SUGP2: variants seen among roughly 807,000 people sequenced by gnomAD.
The protein encoded by SUGP2 is SURP and G-patch domain-containing protein 2.
Under a neutral mutation model 90.5 loss-of-function variants are expected in SUGP2, and 24 were observed. The ratio of observed to expected loss-of-function variants is 0.27; its 90% CI spans 0.19 to 0.37. The LOEUF is 0.37. Ranked by LOEUF, SUGP2 falls within the 10% of genes least tolerant of loss-of-function variation. The probability of loss-of-function intolerance (pLI) is 1.00; values close to 1 mark genes in which losing one functional copy is unlikely to be tolerated. For synonymous variants in SUGP2, 473 were observed against 513.4 expected, an observed-to-expected ratio of 0.92 and a Z score of 1.06; for missense variants, 1,233 against 1,363.3, an observed-to-expected ratio of 0.90 and a Z score of 1.51.
At chr19:19,033,289 G>C (rs1173143319) in intron 1 of SUGP2, 148 bp downstream of exon 1, 6 of 952,606 alleles carry the variant, frequency 6.3e-6, no homozygotes, top group Non-Finnish European at 7.7e-6. Context: ...CGGCCACCCA[G>C]GCCAACCCGG....
At chr19:19,018,166 C>T (rs1285498012) in intron 4 of SUGP2, among the ~76,000 whole-genome samples, 4 of 151,936 alleles carry the variant, frequency 2.6e-5, no homozygotes, top group Non-Finnish European at 5.9e-5. Context: ...CAGAACTGGC[C>T]ATTGCCTCTT....
chr19:19,031,174 G>A (rs373779762), intron 1 of SUGP2, 92 bp from the exon 2 acceptor site: 8 of 1,349,914 alleles, frequency 5.9e-6, no homozygotes, highest in East Asian at 4.6e-5. Flanking sequence ...TTGGGAGGTC[G>A]AGGTGGGCGG....
chr19:19,012,125 T>C (rs1599483219), intron 4 of SUGP2, among the ~76,000 whole-genome samples: 1 of 152,334 alleles, frequency 6.6e-6, no homozygotes, highest in East Asian at 1.9e-4. Flanking sequence ...CTGCTGACAC[T>C]GTTAGCCAGT....
In SUGP2 at chr19:19,008,419, T is replaced by C. The variant is rs1224234339; in HGVS notation, c.2348A>G (p.Lys783Arg). The change falls in exon 6 of 11, where the codon AAG becomes AGG. Residue 783 changes from lysine to arginine, a missense_variant. This residue lies in a region of SUGP2 where 540 missense variants were observed against 542.6 expected (regional missense o/e 1.00). Coordinates refer to ENST00000452918, the MANE Select transcript of SUGP2 (RefSeq NM_001017392.5). Reference protein sequence around the residue: ...SPCPSADIDMKTMETAEKLAR... With the variant: ...SPCPSADIDMRTMETAEKLAR... ...CAGTTTCTCTGCAGTCTCCATTGTC[T>C]TCATGTCAACTACAAAACATAAAGC... 1 of 1,613,910 alleles carries C rather than the reference T, an allele frequency of 6.2e-7. No homozygotes were observed. The highest frequency in any genetic ancestry group is 1.7e-5 in the Admixed American group (1 of 60,018).
chr19:19,027,794 T>C (rs533430302), intron 2 of SUGP2, among the ~76,000 whole-genome samples: 1 of 152,282 alleles, frequency 6.6e-6, no homozygotes, highest in South Asian at 2.1e-4. Context: ...CCCGCCACCA[T>C]GCCCGGCTAA....
intron 4 of SUGP2, 48 bp downstream of exon 4, chr19:19,019,061 C>T: frequency 1.3e-6 from 2 of 1,586,514 alleles, no homozygotes; most frequent in Non-Finnish European, 1.7e-6. Context: ...CAAATTTTGC[C>T]ATATACTCCA....
chr19:19,004,132 T>C, intron 7 of SUGP2, 36 bp downstream of exon 7: 1 of 1,482,684 alleles, frequency 6.7e-7, no homozygotes, highest in Middle Eastern at 2.4e-4. Context: ...CCAAGAACTG[T>C]GCTAGAGGCA....
rs747894714 is a variant in SUGP2, at chr19:19,025,504, G to C, written c.844C>G (p.Leu282Val). 2 of 1,614,120 alleles carry C rather than the reference G, an allele frequency of 1.2e-6. No homozygotes were observed. The change falls in exon 3 of 11, where the codon CTG (leucine) becomes GTG (valine). Residue 282 changes from leucine to valine, a missense_variant. Around this residue, in one of 8 missense-constraint regions of SUGP2, gnomAD observed 418 missense variants for 399.9 expected, o/e 1.05. Coordinates refer to ENST00000452918, the MANE Select transcript of SUGP2 (RefSeq NM_001017392.5). ...TCTTCTGTCCCTGGGTTTGTCCCCA[G>C]GGTCACATCAGGACTTGGAGTGTTT... is the stretch of plus-strand genomic sequence containing the variant. The part of the protein sequence containing the change: ...QKNTPSPDVT[L>V]GTNPGTEDIQ...
chr19:19,032,385 C>T (rs1169857719), intron 1 of SUGP2, among the ~76,000 whole-genome samples: 1 of 152,110 alleles, frequency 6.6e-6, no homozygotes, highest in Non-Finnish European at 1.5e-5. Context: ...TCTTGAATTC[C>T]TGACCTCAAG....
At chr19:19,019,039 A>G in intron 4 of SUGP2, 70 bp downstream of exon 4, 2 of 1,552,960 alleles carry the variant, frequency 1.3e-6, no homozygotes, top group South Asian at 2.4e-5. Flanking sequence ...TCTCAATACC[A>G]TCAGAGTGAC....
At position 19,025,260 on chromosome 19, in the gene SUGP2, G is replaced by C. The variant is rs1437447006; in HGVS notation, c.1088C>G (p.Ala363Gly). The C allele has an allele frequency of 6.2e-7, 1 of 1,613,272 alleles. No homozygotes were observed. Among genetic ancestry groups the C allele is most frequent in the Non-Finnish European group, 8.5e-7 (1 of 1,180,004 alleles). ...TLFELETETC[A>G]KMLASFKCSL... Reference sequence around the variant, plus strand: ...ACATTTGAATGAGGCAAGCATTTTAGCACAGGTTTCTGTTTCAAGTTCAAA... The same window carrying C: ...ACATTTGAATGAGGCAAGCATTTTACCACAGGTTTCTGTTTCAAGTTCAAA... The change falls in exon 3 of 11, where the codon GCT (alanine) becomes GGT (glycine). Residue 363 changes from alanine to glycine, a missense_variant. By Grantham distance (60) the Ala-to-Gly change is moderately conservative. Coordinates refer to ENST00000452918, the MANE Select transcript of SUGP2 (RefSeq NM_001017392.5).
At chr19:19,005,699 G>A (rs552879962) in intron 6 of SUGP2, among the ~76,000 whole-genome samples, 54 of 152,086 alleles carry the variant, frequency 3.6e-4, no homozygotes, top group African/African-American at 1.1e-3. Context: ...TTTAGAGATG[G>A]GGTCTCACTC....
At chr19:19,021,159 CAA>C (rs386388689) in intron 3 of SUGP2, among the ~76,000 whole-genome samples, 15 of 66,950 alleles carry the variant, frequency 2.2e-4, no homozygotes, top group Middle Eastern at 0.011. Context: ...AATTCCATCT[CAA>C]AAAAAAAAAA....
chr19:19,002,236 C>A (rs540424672), intron 7 of SUGP2, among the ~76,000 whole-genome samples: 1 of 152,150 alleles, frequency 6.6e-6, no homozygotes, highest in Admixed American at 6.5e-5. Context: ...AAAAACTAGC[C>A]AGGCGTGGTG....
chr19:18,995,021 T>G (rs1487178591), intron 9 of SUGP2, 123 bp downstream of exon 9: 4 of 1,272,338 alleles, frequency 3.1e-6, no homozygotes, highest in Non-Finnish European at 4.4e-6. Context: ...ATGCCTTCTG[T>G]TTAAAAAACA....
chr19:19,010,981 T>G (rs2058290164), intron 4 of SUGP2, among the ~76,000 whole-genome samples: 1 of 150,802 alleles, frequency 6.6e-6, no homozygotes, highest in Non-Finnish European at 1.5e-5. Context: ...TTCCACAAAA[T>G]AAAAAAATTA....
At position 18,992,956 on chromosome 19, in the gene SUGP2, G is replaced by GT. The variant is rs1461908224; in HGVS notation, c.*784dup. 1 of 152,248 alleles carries GT rather than the reference G, an allele frequency of 6.6e-6. No individual in the cohort carries two copies. The highest frequency in any genetic ancestry group is 1.5e-5 in the Non-Finnish European group (1 of 68,098). The allele number at this position is 152,248 out of a possible 1,614,324, so 9.4% of individuals were successfully genotyped here. On this transcript the variant is annotated 3_prime_UTR_variant, in exon 11 of 11. Coordinates refer to ENST00000452918, the MANE Select transcript of SUGP2 (RefSeq NM_001017392.5). ...GAGCCTGCCTCTCCTTACAAAGGCT[G>GT]TAATAAGACAGCACTTGACGATGCC... is the stretch of plus-strand genomic sequence containing the variant.
chr19:19,033,723 A>G (rs2145822920), upstream of SUGP2: 1 of 266,146 alleles, frequency 3.8e-6, no homozygotes, highest in East Asian at 7.6e-5. Context: ...GGCGGCAAAG[A>G]CGCCTCCGTC....
At chr19:19,022,542 G>A (rs2058765995) in intron 3 of SUGP2, among the ~76,000 whole-genome samples, 1 of 152,236 alleles carries the variant, frequency 6.6e-6, no homozygotes, top group South Asian at 2.1e-4. Flanking sequence ...AGGGCTTTCT[G>A]GCAATCATGT....
Sources: gnomAD v4.1 joint callset for allele counts (sites outside exome capture counted in the v4.1 genomes callset) on GRCh38, gnomAD v4.1.1 for gene constraint, gnomAD v4.1.1 regional missense constraint, MANE v1.5 for transcripts, NCBI Gene and HGNC (gene_info 2026-07-23, HGNC 2026-07-21) for gene names.